The following EHBP1 variants were observed in gnomAD, a reference collection of about 807,000 sequenced individuals.
EHBP1 encodes the protein EH domain binding protein 1.
A neutral mutation model predicts 144.0 loss-of-function variants in EHBP1; 55 were observed. The ratio of observed to expected loss-of-function variants is 0.38; its 90% CI spans 0.31 to 0.48. The LOEUF is 0.48. Ranked by LOEUF, EHBP1 falls within the 20% of genes least tolerant of loss-of-function variation. The pLI is 0.98. For missense variants in EHBP1, 1,200 were observed against 1,364.2 expected (o/e 0.88, Z 1.90); for synonymous variants, 469 against 472.7 (o/e 0.99, Z 0.10).
chr2:62,678,346 T>C (rs1331189795), intron 1 of EHBP1, among the ~76,000 whole-genome samples: 1 of 152,242 alleles, frequency 6.6e-6, no homozygotes, highest in Non-Finnish European at 1.5e-5. Context: ...CTTTTTCCTA[T>C]AGAGTTGTCT....
At chr2:62,943,629 A>G (rs773758723) in intron 11 of EHBP1, among the ~76,000 whole-genome samples, 173 bp from the exon 12 acceptor site, 8 of 152,028 alleles carry the variant, frequency 5.3e-5, no homozygotes, top group Non-Finnish European at 8.8e-5. Context: ...TTATTCATTT[A>G]TTTATTTATT....
chr2:62,828,268 A>T (rs1423732018), intron 6 of EHBP1, among the ~76,000 whole-genome samples: 2 of 152,216 alleles, frequency 1.3e-5, no homozygotes, highest in Non-Finnish European at 2.9e-5. Context: ...ATTTGGGGGA[A>T]GTATAGCAAA....
At chr2:62,960,574 A>G (rs575495492) in intron 14 of EHBP1, among the ~76,000 whole-genome samples, 1 of 152,162 alleles carries the variant, frequency 6.6e-6, no homozygotes, top group Non-Finnish European at 1.5e-5. Context: ...TCAAAGTACA[A>G]GGACCTTGTA....
At chr2:62,782,325 G>A (rs981106109) in intron 5 of EHBP1, among the ~76,000 whole-genome samples, 7 of 152,216 alleles carry the variant, frequency 4.6e-5, no homozygotes, top group Non-Finnish European at 7.3e-5. Context: ...AATATGGACT[G>A]AAATTATCAA....
intron 10 of EHBP1, among the ~76,000 whole-genome samples, chr2:62,929,089 A>C (rs2055768463): frequency 6.6e-6 from 1 of 152,198 alleles, no homozygotes; most frequent in African/African-American, 2.4e-5. Context: ...TGAATCAGTA[A>C]TCAAAAATCT....
chr2:62,766,747 C>T (rs1257364111), intron 4 of EHBP1, among the ~76,000 whole-genome samples: 1 of 151,974 alleles, frequency 6.6e-6, no homozygotes, highest in Admixed American at 6.6e-5. Context: ...TTTTCTTGTT[C>T]ATTCTTGTAA....
At chr2:62,756,545 G>T (rs1313856372) in intron 3 of EHBP1, among the ~76,000 whole-genome samples, 1 of 152,148 alleles carries the variant, frequency 6.6e-6, no homozygotes, top group Non-Finnish European at 1.5e-5. Flanking sequence ...GAGGCAAGTG[G>T]ATCACCTGAG....
intron 2 of EHBP1, among the ~76,000 whole-genome samples, chr2:62,714,395 G>A (rs2035465784): frequency 6.6e-6 from 1 of 152,160 alleles, no homozygotes; most frequent in South Asian, 2.1e-4. Context: ...AAGTAACAGA[G>A]AAGAGACCAT....
chr2:62,710,487 A>G (rs562135657), intron 2 of EHBP1, among the ~76,000 whole-genome samples: 4 of 151,262 alleles, frequency 2.6e-5, no homozygotes, highest in East Asian at 1.9e-4. Context: ...TCTATGTCAT[A>G]TAAGAATTCC....
intron 6 of EHBP1, among the ~76,000 whole-genome samples, chr2:62,828,848 AG>A (rs1288624896): frequency 1.3e-5 from 2 of 152,230 alleles, no homozygotes; most frequent in African/African-American, 2.4e-5. Flanking sequence ...AGAAAGTTTT[AG>A]GCCAGGCACA....
intron 2 of EHBP1, among the ~76,000 whole-genome samples, chr2:62,728,013 G>C (rs897625640): frequency 6.6e-6 from 1 of 152,140 alleles, no homozygotes; most frequent in African/African-American, 2.4e-5. Flanking sequence ...GCCTGTGAAG[G>C]GTAGGGTATG....
chr2:62,971,813 G>A (rs1406573364), intron 14 of EHBP1, among the ~76,000 whole-genome samples: 2 of 152,060 alleles, frequency 1.3e-5, no homozygotes, highest in African/African-American at 4.8e-5. Flanking sequence ...TCATAGGGAG[G>A]GAGACCTCCC....
chr2:62,857,302 G>A (rs1457400644), intron 7 of EHBP1, among the ~76,000 whole-genome samples: 1 of 152,094 alleles, frequency 6.6e-6, no homozygotes, highest in Non-Finnish European at 1.5e-5. Context: ...ATGTTAATTT[G>A]TGTCTCTATA....
chr2:62,766,949 G>A, intron 4 of EHBP1, among the ~76,000 whole-genome samples: 1 of 134,782 alleles, frequency 7.4e-6, no homozygotes, highest in Admixed American at 7.7e-5. Flanking sequence ...TTGCAAAAGT[G>A]TGCTTCATTA....
intron 9 of EHBP1, among the ~76,000 whole-genome samples, chr2:62,873,178 A>T (rs899736668): frequency 1.3e-5 from 2 of 152,176 alleles, no homozygotes; most frequent in African/African-American, 4.8e-5. Context: ...GAAACAGTTT[A>T]CTAAGAGAAA....
At chr2:63,024,146 C>A (rs1171918083) in intron 19 of EHBP1, among the ~76,000 whole-genome samples, 2 of 152,010 alleles carry the variant, frequency 1.3e-5, no homozygotes. Context: ...GAGTTCGAGA[C>A]CAGCCTGGCC....
chr2:62,770,676 T>C (rs1365106443), intron 4 of EHBP1, among the ~76,000 whole-genome samples: 1 of 152,180 alleles, frequency 6.6e-6, no homozygotes, highest in African/African-American at 2.4e-5. Flanking sequence ...CAGAGGACTA[T>C]AAATCATTCT....
At chr2:62,751,129 A>G (rs762673239) in intron 3 of EHBP1, among the ~76,000 whole-genome samples, 2 of 152,174 alleles carry the variant, frequency 1.3e-5, no homozygotes, top group Non-Finnish European at 2.9e-5. Flanking sequence ...TTTGTCATAA[A>G]TAGCTTTTAT....
chr2:62,949,229 G>A, intron 13 of EHBP1, 67 bp downstream of exon 13: 1 of 1,336,082 alleles, frequency 7.5e-7, no homozygotes. Context: ...GTTTCTTTTT[G>A]CATTCATAGA....
Sources: allele counts gnomAD v4.1 joint callset (sites outside exome capture counted in the v4.1 genomes callset), GRCh38; gene constraint gnomAD v4.1.1; transcripts MANE v1.5; gene names NCBI Gene and HGNC (gene_info 2026-07-23, HGNC 2026-07-21).